The following RAPGEF6 variants were observed in gnomAD, a reference collection of about 807,000 sequenced individuals.
The protein encoded by RAPGEF6 is PDZ domain containing guanine nucleotide exchange factor (GEF) 2.
In RAPGEF6, 56 loss-of-function variants were observed where a neutral mutation model predicts 171.4. The ratio of observed to expected loss-of-function variants is 0.33; its 90% CI spans 0.26 to 0.41. The LOEUF is 0.41. RAPGEF6 is among the 10% of genes least tolerant of loss of function. RAPGEF6 has a pLI of 1.00. For synonymous variants in RAPGEF6, 692 were observed against 650.1 expected (o/e 1.06, Z -0.98); for missense variants, 1,674 against 1,921.4 (o/e 0.87, Z 2.41).
At chr5:131,633,036 CA>C (rs1485044738) in intron 1 of RAPGEF6, among the ~76,000 whole-genome samples, 1 of 152,094 alleles carries the variant, frequency 6.6e-6, no homozygotes, top group African/African-American at 2.4e-5. Flanking sequence ...TCCTAAGGCT[CA>C]AAAATAGGCA....
rs1751326778 is a variant in RAPGEF6, at chr5:131,424,882, A to C, written c.*2384T>G. On this transcript the variant is annotated 3_prime_UTR_variant, in exon 28 of 28. Coordinates refer to ENST00000509018, the MANE Select transcript of RAPGEF6 (RefSeq NM_016340.6). Reference sequence around the variant, plus strand: ...AAGAGAGGGCACTAGTCTCTTCATTAAGATTATAAATTTATAAAACAAAAA... The same window carrying C: ...AAGAGAGGGCACTAGTCTCTTCATTCAGATTATAAATTTATAAAACAAAAA... 15 of 152,356 alleles carry C rather than the reference A, an allele frequency of 9.8e-5. No individual in the cohort carries two copies. The highest frequency in any genetic ancestry group is 9.8e-4 in the Admixed American group (15 of 15,282). 9.4% of individuals were successfully genotyped at this position (152,356 alleles called of 1,614,324 possible). A position where few individuals can be genotyped will look rare whatever the true frequency, so the allele number is the denominator to read the frequency against.
intron 3 of RAPGEF6, among the ~76,000 whole-genome samples, chr5:131,598,476 A>G (rs2150009644): frequency 6.6e-6 from 1 of 152,326 alleles, no homozygotes; most frequent in South Asian, 2.1e-4. Flanking sequence ...AAACAGAATA[A>G]ATCCAAAGAA....
intron 5 of RAPGEF6, among the ~76,000 whole-genome samples, chr5:131,559,265 G>T (rs1399208902): frequency 6.6e-6 from 1 of 152,062 alleles, no homozygotes; most frequent in East Asian, 1.9e-4. Context: ...GGAGACAGAG[G>T]TTGCAGTGAG....
intron 6 of RAPGEF6, among the ~76,000 whole-genome samples, chr5:131,522,552 A>G (rs1758565935): frequency 1.3e-5 from 2 of 152,208 alleles, no homozygotes; most frequent in African/African-American, 2.4e-5. Context: ...ATGTAATTAT[A>G]AAAATTACAC....
intron 6 of RAPGEF6, among the ~76,000 whole-genome samples, chr5:131,523,749 A>AAAGT (rs1367155501): frequency 3.9e-5 from 6 of 152,098 alleles, no homozygotes; most frequent in Admixed American, 6.6e-5. Context: ...CAAAAGATCT[A>AAAGT]AAGTCACAGA....
intron 16 of RAPGEF6, among the ~76,000 whole-genome samples, chr5:131,477,612 A>G (rs1039573495): frequency 6.6e-6 from 1 of 152,114 alleles, no homozygotes; most frequent in Non-Finnish European, 1.5e-5. Flanking sequence ...CCACACCCTC[A>G]CCAAAGGATA....
chr5:131,629,143 T>C (rs1051451764), intron 1 of RAPGEF6, among the ~76,000 whole-genome samples: 6 of 152,030 alleles, frequency 3.9e-5, no homozygotes, highest in South Asian at 2.1e-4. Context: ...GAAAAGAAAA[T>C]TGAAAACTGT....
intron 19 of RAPGEF6, among the ~76,000 whole-genome samples, chr5:131,459,435 T>C (rs928194297): frequency 8.5e-5 from 13 of 152,238 alleles, no homozygotes; most frequent in African/African-American, 2.9e-4. Flanking sequence ...GAAACTTAGT[T>C]CACATAGACA....
At chr5:131,484,975 G>A (rs533140073) in intron 15 of RAPGEF6, among the ~76,000 whole-genome samples, 1 of 152,282 alleles carries the variant, frequency 6.6e-6, no homozygotes, top group Admixed American at 6.5e-5. Flanking sequence ...TGCCCAGGAT[G>A]GAGTGCAGGG....
Position 131,453,057 on chromosome 5 carries a change from TG to T in RAPGEF6, c.3196del (p.Gln1066ArgfsTer4). ...ANMDPAMMFR[Q>X]RSLSQGSTNS... is the part of the protein sequence containing the mutation. ...TTTACATATTTCAATGTCCTACCTC[TG>T]TCGAAACATCATAGCTGGGTCCATG... On this transcript the variant is annotated frameshift_variant, in exon 21 of 28. Transcript: ENST00000509018. LOFTEE classifies it high-confidence loss of function. 6.2e-7 allele frequency: 1 copy of T among 1,612,978 alleles called. No homozygotes were observed. Among genetic ancestry groups the T allele is most frequent in the Non-Finnish European group, 8.5e-7 (1 of 1,179,296 alleles).
At chr5:131,531,682 T>C (rs1050773674) in intron 6 of RAPGEF6, among the ~76,000 whole-genome samples, 2 of 152,190 alleles carry the variant, frequency 1.3e-5, no homozygotes, top group African/African-American at 2.4e-5. Context: ...AATTGTAAAA[T>C]AGCACAATTC....
chr5:131,629,960 T>C (rs1012305870), intron 1 of RAPGEF6, among the ~76,000 whole-genome samples: 3 of 152,144 alleles, frequency 2.0e-5, no homozygotes, highest in South Asian at 2.1e-4. Context: ...ACAAAGAATT[T>C]AGAATACCAC....
At chr5:131,515,285 C>G (rs1757999657) in intron 7 of RAPGEF6, among the ~76,000 whole-genome samples, 2 of 152,102 alleles carry the variant, frequency 1.3e-5, no homozygotes, top group Admixed American at 1.3e-4. Flanking sequence ...CTTAGGTCTT[C>G]CTGGTCAGGG....
At chr5:131,581,954 A>G (rs540329834) in intron 4 of RAPGEF6, among the ~76,000 whole-genome samples, 1 of 152,250 alleles carries the variant, frequency 6.6e-6, no homozygotes, top group African/African-American at 2.4e-5. Context: ...GTATTTTGTA[A>G]CATCCTCCCA....
intron 6 of RAPGEF6, among the ~76,000 whole-genome samples, chr5:131,529,612 A>T (rs754794890): frequency 2.6e-5 from 4 of 151,062 alleles, no homozygotes; most frequent in Non-Finnish European, 4.4e-5. Context: ...AGGATTAAAA[A>T]AAATAAATAA....
intron 3 of RAPGEF6, among the ~76,000 whole-genome samples, chr5:131,595,137 A>G (rs1763817025): frequency 6.6e-6 from 1 of 152,148 alleles, no homozygotes. Flanking sequence ...CTCATGTTGA[A>G]TTGTAATCCT....
At chr5:131,485,348 T>C (rs1755813544) in intron 15 of RAPGEF6, among the ~76,000 whole-genome samples, 1 of 152,190 alleles carries the variant, frequency 6.6e-6, no homozygotes, top group African/African-American at 2.4e-5. Context: ...GTGCATTTGC[T>C]AAATCTAAAC....
intron 24 of RAPGEF6, among the ~76,000 whole-genome samples, chr5:131,436,797 A>G (rs1752038198): frequency 6.6e-6 from 1 of 152,218 alleles, no homozygotes; most frequent in Non-Finnish European, 1.5e-5. Flanking sequence ...CAAATAAGAC[A>G]TATAAATAGT....
intron 24 of RAPGEF6, chr5:131,435,888 T>G: frequency 6.9e-7 from 1 of 1,453,286 alleles, no homozygotes; most frequent in South Asian, 1.5e-5. Context: ...TGGTTTAATT[T>G]AAGCCATGTA....
Sources: gnomAD v4.1 joint callset for allele counts (sites outside exome capture counted in the v4.1 genomes callset) on GRCh38, gnomAD v4.1.1 for gene constraint, MANE v1.5 for transcripts, NCBI Gene and HGNC (gene_info 2026-07-23, HGNC 2026-07-21) for gene names.